RAB3B: variants seen among roughly 807,000 people sequenced by gnomAD.
RAB3B encodes RAB3B, member RAS oncogene family.
RAB3B carries 11 observed loss-of-function variants against 20.5 expected under a neutral mutation model. The ratio of observed to expected loss-of-function variants is 0.54; its 90% confidence interval spans 0.34 to 0.89. RAB3B has a LOEUF of 0.89. Ranked by LOEUF, RAB3B falls within the 40% of genes least tolerant of loss-of-function variation. The pLI, the probability that RAB3B is intolerant of heterozygous loss-of-function variation, is 0.02. For synonymous variants in RAB3B, 99 were observed against 106.3 expected (o/e 0.93, Z 0.42); for missense variants, 225 against 280.9 (o/e 0.80, Z 1.42).
At chr1:51,982,721 C>T (rs1380327870) in intron 1 of RAB3B, among the ~76,000 whole-genome samples, 1 of 151,070 alleles carries the variant, frequency 6.6e-6, no homozygotes, top group African/African-American at 2.4e-5. Context: ...TGCACTCCAG[C>T]CTGGGTGACA....
intron 4 of RAB3B, among the ~76,000 whole-genome samples, chr1:51,927,229 G>C (rs1684257063): frequency 6.6e-6 from 1 of 152,186 alleles, no homozygotes; most frequent in Non-Finnish European, 1.5e-5. Flanking sequence ...TGGGGTCTGA[G>C]TCATGAATGC....
At chr1:51,962,062 G>A (rs1684791171) in intron 2 of RAB3B, among the ~76,000 whole-genome samples, 1 of 152,168 alleles carries the variant, frequency 6.6e-6, no homozygotes, top group South Asian at 2.1e-4. Flanking sequence ...ATGAACCACT[G>A]CACCCAGACT....
chr1:51,984,239 A>C (rs1685123683), intron 1 of RAB3B, among the ~76,000 whole-genome samples: 1 of 111,662 alleles, frequency 9.0e-6, no homozygotes, highest in Non-Finnish European at 1.7e-5. Context: ...ACTCCAGCCC[A>C]GGCAACAGTG....
intron 2 of RAB3B, among the ~76,000 whole-genome samples, chr1:51,971,544 T>C (rs1319092058): frequency 2.6e-5 from 4 of 151,816 alleles, no homozygotes; most frequent in African/African-American, 9.7e-5. Context: ...GCAATTCTAC[T>C]GCATCACCCT....
intron 2 of RAB3B, among the ~76,000 whole-genome samples, chr1:51,966,727 G>C (rs1297191401): frequency 3.3e-5 from 5 of 152,156 alleles, no homozygotes; most frequent in African/African-American, 1.2e-4. Flanking sequence ...TTGCTGCCTA[G>C]AAAAATCAAT....
chr1:51,965,689 G>A (rs1684842209), intron 2 of RAB3B, among the ~76,000 whole-genome samples: 1 of 151,766 alleles, frequency 6.6e-6, no homozygotes, highest in East Asian at 1.9e-4. Flanking sequence ...TAAGGTATAT[G>A]TCAATTGAAA....
Position 51,916,804 on chromosome 1 carries a change from A to G in RAB3B, c.*3123T>C, listed in dbSNP as rs528767422. ...CTGACTCGCCTTTCCTGAGCATTAGACATCCATCACCTGGGATTAGTCTGA... is the reference window on the plus strand; with the variant it reads ...CTGACTCGCCTTTCCTGAGCATTAGGCATCCATCACCTGGGATTAGTCTGA... On this transcript the variant is annotated 3_prime_UTR_variant, in exon 5 of 5. Transcript: ENST00000371655. The G allele has an allele frequency of 1.3e-5, 2 of 152,336 alleles. No homozygotes were observed. The highest frequency in any genetic ancestry group is 4.1e-4 in the South Asian group (2 of 4,826). The allele number at this position is 152,336 out of a possible 1,614,324, so 9.4% of individuals were successfully genotyped here. A position where few individuals can be genotyped will look rare whatever the true frequency, so the allele number is the denominator to read the frequency against.
chr1:51,987,566 AC>A (rs1420204581), intron 1 of RAB3B, among the ~76,000 whole-genome samples: 1 of 152,172 alleles, frequency 6.6e-6, no homozygotes. Flanking sequence ...TCCAAATCAA[AC>A]AAACTAGATT....
chr1:51,958,731 A>T (rs1026221566), intron 2 of RAB3B, among the ~76,000 whole-genome samples: 1 of 151,780 alleles, frequency 6.6e-6, no homozygotes, highest in Non-Finnish European at 1.5e-5. Flanking sequence ...TCTCAAAAAA[A>T]AAAAAAAGAA....
chr1:51,924,299 A>C (rs1458782058), intron 4 of RAB3B, among the ~76,000 whole-genome samples: 1 of 152,136 alleles, frequency 6.6e-6, no homozygotes, highest in Non-Finnish European at 1.5e-5. Context: ...ACAGGGCAAT[A>C]AGTGTTGGAA....
At chr1:51,974,477 A>T (rs148916663) in intron 2 of RAB3B, among the ~76,000 whole-genome samples, 38 of 152,350 alleles carry the variant, frequency 2.5e-4, no homozygotes, top group African/African-American at 7.2e-4. Flanking sequence ...GGGTCTGGGA[A>T]TCAGTGAACT....
intron 4 of RAB3B, among the ~76,000 whole-genome samples, chr1:51,923,187 G>A (rs927311280): frequency 3.3e-5 from 5 of 152,216 alleles, no homozygotes; most frequent in Non-Finnish European, 7.3e-5. Context: ...GGCAAGGCAA[G>A]GGTTAGCACT....
At chr1:51,925,025 G>A (rs1194912520) in intron 4 of RAB3B, among the ~76,000 whole-genome samples, 9 of 152,046 alleles carry the variant, frequency 5.9e-5, no homozygotes, top group Non-Finnish European at 1.3e-4. Context: ...AAATGATCAC[G>A]TTTATCTACT....
intron 4 of RAB3B, among the ~76,000 whole-genome samples, chr1:51,931,058 A>G (rs1272352177): frequency 6.6e-6 from 1 of 152,050 alleles, no homozygotes; most frequent in African/African-American, 2.4e-5. Context: ...GCATGCTGGT[A>G]TATTTTTTTC....
At position 51,957,617 on chromosome 1, in the gene RAB3B, T is replaced by G. The variant is rs571897211; in HGVS notation, c.228+19273A>C. 1.3e-3 allele frequency among the ~76,000 whole-genome samples: 191 copies of G among 152,320 alleles called. 2 individuals carry two copies. The highest frequency in any genetic ancestry group is 4.4e-3 in the African/African-American group (185 of 41,578). Reference sequence around the variant, plus strand: ...TTGGGAGGATAAAGTAAGATAAGTGTTGTGACAGTGTGTTGGTAAAGTTCT... The same window carrying G: ...TTGGGAGGATAAAGTAAGATAAGTGGTGTGACAGTGTGTTGGTAAAGTTCT... On this transcript the variant is annotated intron_variant, in intron 2 of 4. Transcript: ENST00000371655.
At chr1:51,971,773 G>A (rs1042715645) in intron 2 of RAB3B, among the ~76,000 whole-genome samples, 1 of 152,188 alleles carries the variant, frequency 6.6e-6, no homozygotes, top group Non-Finnish European at 1.5e-5. Context: ...TGGCTACTGA[G>A]TGGCTAATGG....
intron 2 of RAB3B, among the ~76,000 whole-genome samples, chr1:51,972,443 A>G (rs1684950356): frequency 6.7e-6 from 1 of 150,300 alleles, no homozygotes; most frequent in Non-Finnish European, 1.5e-5. Context: ...GAAGCCCTAG[A>G]TAGTACCTAA....
intron 2 of RAB3B, among the ~76,000 whole-genome samples, chr1:51,950,053 T>A (rs890275906): frequency 6.6e-6 from 1 of 152,064 alleles, no homozygotes; most frequent in South Asian, 2.1e-4. Flanking sequence ...TGTGGCTGAG[T>A]CTGGGGTATT....
intron 1 of RAB3B, among the ~76,000 whole-genome samples, chr1:51,989,576 C>A (rs561674098): frequency 6.6e-6 from 1 of 151,858 alleles, no homozygotes; most frequent in South Asian, 2.1e-4. Context: ...GCCCCACCAC[C>A]CTATCTATAC....
Sources: gnomAD v4.1 joint callset for allele counts (sites outside exome capture counted in the v4.1 genomes callset) on GRCh38, gnomAD v4.1.1 for gene constraint, MANE v1.5 for transcripts, NCBI Gene and HGNC (gene_info 2026-07-23, HGNC 2026-07-21) for gene names.